The following KPNA1 variants were observed in gnomAD, a reference collection of about 807,000 sequenced individuals.
The protein encoded by KPNA1 is karyopherin subunit alpha 1, also known as importin subunit alpha-5.
A neutral mutation model predicts 70.5 loss-of-function variants in KPNA1; 10 were observed. That is an observed-to-expected ratio of 0.14 (90% CI 0.09 to 0.24). KPNA1 has a LOEUF of 0.24. Among genes scored for constraint, KPNA1 ranks in the 10% least tolerant of loss-of-function variants. The probability of loss-of-function intolerance (pLI) is 1.00; values close to 1 mark genes in which losing one functional copy is unlikely to be tolerated. For synonymous variants in KPNA1, 192 were observed against 221.9 expected (o/e 0.87, Z 1.20); for missense variants, 397 against 637.9 (o/e 0.62, Z 4.07).
intron 12 of KPNA1, among the ~76,000 whole-genome samples, chr3:122,430,598 G>C (rs1047025917): frequency 2.0e-5 from 3 of 150,818 alleles, no homozygotes; most frequent in Non-Finnish European, 4.4e-5. Flanking sequence ...CAGATAAACT[G>C]TGTGTTTGTG....
Position 122,427,524 on chromosome 3 carries a change from C to T in KPNA1, c.1429+14G>A, listed in dbSNP as rs770644357. The T allele has an allele frequency of 4.4e-6, 7 of 1,605,724 alleles. No homozygotes were observed. Among genetic ancestry groups the T allele is most frequent in the Admixed American group, 1.7e-5 (1 of 58,826 alleles). ...CATTCTTGGCCATAAACTTCTTCAA[C>T]CAAAGCATCTTACCATAAGCTTCTT... On this transcript the variant is annotated intron_variant, in intron 13 of 13. Transcript: ENST00000344337.
At chr3:122,504,102 T>C (rs1021652343) in intron 1 of KPNA1, among the ~76,000 whole-genome samples, 3 of 152,190 alleles carry the variant, frequency 2.0e-5, no homozygotes, top group African/African-American at 7.2e-5. Context: ...ACCATGGACT[T>C]AGAGTGAGGA....
intron 2 of KPNA1, among the ~76,000 whole-genome samples, chr3:122,486,722 G>A (rs988225997): frequency 1.3e-5 from 2 of 152,054 alleles, no homozygotes; most frequent in Non-Finnish European, 2.9e-5. Flanking sequence ...CAAGTAGCTG[G>A]GACTACAGGC....
At chr3:122,452,572 GGGAAGGAAGGAAGGAAGGAA>G (rs1358767123) in intron 6 of KPNA1, among the ~76,000 whole-genome samples, 2 of 22,382 alleles carry the variant, frequency 8.9e-5, no homozygotes, top group Admixed American at 5.0e-4. Flanking sequence ...GAGGGAAGGA[GGGAAGGAAGGAAGGAAGGAA>G]GGAAGGAAGG....
intron 2 of KPNA1, 84 bp downstream of exon 2, chr3:122,496,353 A>ACAC: frequency 4.0e-5 from 30 of 746,118 alleles, no homozygotes; most frequent in South Asian, 8.3e-5. Flanking sequence ...CACACACCCC[A>ACAC]ACTTTGCTAA....
intron 5 of KPNA1, chr3:122,457,892 C>A (rs1220186916): frequency 1.3e-5 from 17 of 1,281,356 alleles, no homozygotes; most frequent in Non-Finnish European, 4.1e-6. Flanking sequence ...GAAAAATAAA[C>A]CCAGATAGCA....
chr3:122,448,494 C>A (rs1030740666), intron 9 of KPNA1, among the ~76,000 whole-genome samples: 6 of 152,008 alleles, frequency 3.9e-5, no homozygotes, highest in Admixed American at 3.9e-4. Flanking sequence ...ATCACAAGGA[C>A]AGAAAACCAA....
intron 10 of KPNA1, among the ~76,000 whole-genome samples, chr3:122,438,687 G>C (rs1293006119): frequency 6.6e-6 from 1 of 152,084 alleles, no homozygotes; most frequent in Non-Finnish European, 1.5e-5. Flanking sequence ...CGCTCGGCCA[G>C]GTATTTCTTT....
intron 3 of KPNA1, among the ~76,000 whole-genome samples, chr3:122,464,781 A>C (rs1352056976): frequency 6.6e-6 from 1 of 152,232 alleles, no homozygotes; most frequent in Non-Finnish European, 1.5e-5. Context: ...ATTTGTCAGA[A>C]AGAAACAAAG....
chr3:122,440,839 CA>C (rs2076053068), intron 10 of KPNA1, among the ~76,000 whole-genome samples: 1 of 152,148 alleles, frequency 6.6e-6, no homozygotes, highest in Non-Finnish European at 1.5e-5. Flanking sequence ...CTGATGGTGC[CA>C]TTCACTGATA....
chr3:122,475,489 T>C (rs1395447216), intron 2 of KPNA1, among the ~76,000 whole-genome samples: 3 of 152,174 alleles, frequency 2.0e-5, no homozygotes, highest in East Asian at 3.8e-4. Context: ...CTCACAGAAA[T>C]TTTTTAAAAT....
intron 2 of KPNA1, among the ~76,000 whole-genome samples, chr3:122,489,887 T>C (rs1426579683): frequency 1.3e-5 from 2 of 152,182 alleles, no homozygotes; most frequent in African/African-American, 4.8e-5. Context: ...TGTTTTCATT[T>C]GTCAGGTTAA....
At chr3:122,463,120 G>C (rs1257091567) in intron 4 of KPNA1, among the ~76,000 whole-genome samples, 1 of 152,120 alleles carries the variant, frequency 6.6e-6, no homozygotes, top group East Asian at 1.9e-4. Flanking sequence ...GGGAGGCCGA[G>C]GCAGGAGGAT....
intron 12 of KPNA1, chr3:122,433,347 C>T (rs548816365): frequency 4.3e-6 from 1 of 232,084 alleles, no homozygotes; most frequent in African/African-American, 2.2e-5. Context: ...CAAGTAGCTC[C>T]AGAGTAGGTT....
In KPNA1 at chr3:122,470,560, A is replaced by T. The variant is rs190311357; in HGVS notation, c.130-3131T>A. On this transcript the variant is annotated intron_variant, in intron 2 of 13. Coordinates refer to ENST00000344337, the MANE Select transcript of KPNA1 (RefSeq NM_002264.4). ...AATAAATAAATAAATAAAAATTTTT[A>T]AAAAAAGTTAAATGAGTTAACAGCA... Among the ~76,000 whole-genome samples, 616 of 151,840 alleles carry T rather than the reference A, an allele frequency of 4.1e-3. 2 individuals are homozygous for T. The highest frequency in any genetic ancestry group is 0.013 in the African/African-American group (527 of 41,450).
At chr3:122,513,576 G>A (rs1402548462) in intron 1 of KPNA1, among the ~76,000 whole-genome samples, 1 of 152,040 alleles carries the variant, frequency 6.6e-6, no homozygotes, top group Non-Finnish European at 1.5e-5. Flanking sequence ...CAGCTAGTAG[G>A]GAGGATGCCT....
chr3:122,499,065 C>A (rs1338099406), intron 1 of KPNA1, among the ~76,000 whole-genome samples: 1 of 152,150 alleles, frequency 6.6e-6, no homozygotes, highest in African/African-American at 2.4e-5. Flanking sequence ...GTATACTGAT[C>A]TTGTATTTTA....
chr3:122,456,259 T>C (rs2076263881), intron 5 of KPNA1, among the ~76,000 whole-genome samples: 1 of 152,136 alleles, frequency 6.6e-6, no homozygotes, highest in African/African-American at 2.4e-5. Context: ...ATGATGTAAG[T>C]ATAAAAGCAA....
At chr3:122,499,380 T>A (rs562829953) in intron 1 of KPNA1, among the ~76,000 whole-genome samples, 3 of 152,212 alleles carry the variant, frequency 2.0e-5, no homozygotes, top group African/African-American at 7.2e-5. Context: ...GACTGTTTTA[T>A]AATTAAAGAG....
Sources: gnomAD v4.1 joint callset for allele counts (sites outside exome capture counted in the v4.1 genomes callset) on GRCh38, gnomAD v4.1.1 for gene constraint, MANE v1.5 for transcripts, NCBI Gene and HGNC (gene_info 2026-07-23, HGNC 2026-07-21) for gene names.